The following AGRN variants were observed in gnomAD, a reference collection of about 807,000 sequenced individuals.
AGRN encodes agrin proteoglycan.
AGRN carries 106 observed loss-of-function variants against 211.0 expected under a neutral mutation model. The ratio of observed to expected loss-of-function variants is 0.50; its 90% confidence interval spans 0.43 to 0.59. AGRN has a LOEUF of 0.59. Among genes scored for constraint, AGRN ranks in the 20% least tolerant of loss-of-function variants. The pLI is 0.00. For synonymous variants in AGRN, 1,525 were observed against 1,332.5 expected (o/e 1.14, Z -3.15); for missense variants, 3,040 against 2,982.6 (o/e 1.02, Z -0.45).
chr1:1,047,392 C>T lies in AGRN; in HGVS notation c.3454C>T (p.Pro1152Ser), dbSNP rs760592311. The change falls in exon 20 of 36, where the codon CCC becomes TCC. Residue 1152 changes from proline (P) to serine (S), a missense_variant. This residue lies in a region of AGRN where 1,537 missense variants were observed against 1,505.0 expected (regional missense o/e 1.02). Transcript: ENST00000379370. ...CGAGGGCCAGGAGCTGTTCTACACG[C>T]CCGAGATGGCTGACCCCAAGTCAGA... The part of the protein sequence containing the change: ...GVEGQELFYT[P>S]EMADPKSELF... 1 of 1,612,392 alleles carries T rather than the reference C, an allele frequency of 6.2e-7. No individual in the cohort carries two copies. The highest frequency in any genetic ancestry group is 8.5e-7 in the Non-Finnish European group (1 of 1,179,670).
In AGRN at chr1:1,050,307, C is replaced by T. The variant is rs1018857982; in HGVS notation, c.4954C>T (p.His1652Tyr). 6.2e-7 allele frequency: 1 copy of T among 1,612,984 alleles called. No individual in the cohort carries two copies. Among genetic ancestry groups the T allele is most frequent in the South Asian group, 1.1e-5 (1 of 91,084 alleles). ...CTCCCACCTGGAGCTGAGAGGCCTG[C>T]ACACCTTTGCACGGGACCTGGGGTC... ...GFSHLELRGL[H>Y]TFARDLGEKM... is the part of the protein sequence containing the mutation. The change falls in exon 28 of 36, where the codon CAC becomes TAC. Residue 1652 changes from histidine (H) to tyrosine (Y), a missense_variant. His to Tyr is a moderately conservative substitution (Grantham distance 83). Transcript: ENST00000379370.
In AGRN at chr1:1,040,819, G is replaced by GC. The variant is rs1644909838; in HGVS notation, c.667dup (p.Leu223ProfsTer96). 6 of 1,537,450 alleles carry GC rather than the reference G, an allele frequency of 3.9e-6. No individual in the cohort carries two copies. The highest frequency in any genetic ancestry group is 5.2e-6 in the Non-Finnish European group (6 of 1,147,622). ...CCTCCACCTACAGCAACGAATGCGA[G>GC]CTGCAGCGGGCGCAGTGCAGCCAGC... is the stretch of plus-strand genomic sequence containing the variant. On this transcript the variant is annotated frameshift_variant, in exon 4 of 36. Transcript: ENST00000379370. LOFTEE classifies it high-confidence loss of function.
At chr1:1,033,923 C>T (rs536515729) in intron 2 of AGRN, among the ~76,000 whole-genome samples, 1 of 151,764 alleles carries the variant, frequency 6.6e-6, no homozygotes, top group African/African-American at 2.4e-5. Flanking sequence ...TCCCCGCGGA[C>T]GCCGGGGTCC....
chr1:1,044,484 T>G (rs982646479), intron 12 of AGRN, 45 bp downstream of exon 12: 5 of 1,557,660 alleles, frequency 3.2e-6, no homozygotes. Context: ...CGGGGCGGCG[T>G]CTGGGTTTCC....
rs397834473 is a variant in AGRN at position 1,050,070 on chromosome 1, G to A, written c.4879+33G>A. 0.41 allele frequency: 532,710 copies of A among 1,285,920 alleles called. 108,806 individuals carry two copies. The highest frequency in any genetic ancestry group is 0.68 in the African/African-American group (43,184 of 63,504). 79.7% of individuals were successfully genotyped at this position (1,285,920 alleles called of 1,614,324 possible). On this transcript the variant is annotated intron_variant, in intron 27 of 35. Transcript: ENST00000379370. ...GCGTGGGGCTCTCGGGGCAGGGGGG[G>A]GGGGGGGGTTGAACGTTTGGGCGGG...
chr1:1,042,941 C>T (rs943672671), intron 7 of AGRN, among the ~76,000 whole-genome samples: 2 of 151,890 alleles, frequency 1.3e-5, no homozygotes, highest in African/African-American at 4.8e-5. Context: ...GGTCAGTGGC[C>T]TGGGCAGGCT....
intron 13 of AGRN, 35 bp downstream of exon 13, chr1:1,045,312 G>A: frequency 1.2e-6 from 2 of 1,612,160 alleles, no homozygotes; most frequent in Non-Finnish European, 1.7e-6. Context: ...CCCCGGGCCT[G>A]GTGCGGCTGT....
rs1163495012 is a variant in AGRN, at chr1:1,031,965, C to T, written c.464-3312C>T. Among the ~76,000 whole-genome samples, 2 of 152,254 alleles carry T rather than the reference C, an allele frequency of 1.3e-5. No homozygotes were observed. Among genetic ancestry groups the T allele is most frequent in the Non-Finnish European group, 2.9e-5 (2 of 68,042 alleles). The stretch of plus-strand genomic sequence containing the variant: ...CACAGCAAGTCCTGTTCTGGGTTTT[C>T]TCATCCCTGGGTCACACCCTGCGCT... On this transcript the variant is annotated intron_variant, in intron 2 of 35. Transcript: ENST00000379370. The surrounding 1 kb of genome is among the most constrained non-coding windows in gnomAD (Gnocchi z 4.8).
intron 7 of AGRN, among the ~76,000 whole-genome samples, chr1:1,042,745 C>T (rs1412625646): frequency 1.3e-5 from 2 of 151,982 alleles, no homozygotes; most frequent in African/African-American, 4.8e-5. Flanking sequence ...GCCCGCAGCC[C>T]GAGGTCTGCC....
chr1:1,044,942 T>G (rs1380304204), intron 12 of AGRN, among the ~76,000 whole-genome samples: 1 of 152,172 alleles, frequency 6.6e-6, no homozygotes, highest in Non-Finnish European at 1.5e-5. Flanking sequence ...TTGGATGCTC[T>G]GTGTGTTGTG....
At chr1:1,041,430 CTG>C (rs1644933720) in intron 5 of AGRN, 33 bp downstream of exon 5, 2 of 1,550,674 alleles carry the variant, frequency 1.3e-6, no homozygotes, top group South Asian at 2.3e-5. Context: ...GGCTCGAGCT[CTG>C]TGGGCGCGCG....
intron 2 of AGRN, among the ~76,000 whole-genome samples, chr1:1,029,824 C>T (rs1424641344): frequency 1.6e-5 from 1 of 63,490 alleles, no homozygotes; most frequent in Non-Finnish European, 3.1e-5. Flanking sequence ...GTGAGATCAG[C>T]GTGTGTGTGT....
intron 34 of AGRN, 80 bp from the exon 35 acceptor site, chr1:1,054,367 AG>A (rs1645395140): frequency 2.3e-6 from 3 of 1,284,490 alleles, no homozygotes; most frequent in Non-Finnish European, 3.3e-6. Context: ...TGCAGGGCAT[AG>A]GAAGGATGCA....
At position 1,050,798 on chromosome 1, in the gene AGRN, G is replaced by A; in HGVS notation, c.5214G>A (p.Leu1738=). The change falls in exon 30 of 36, where the codon CTG becomes CTA. Residue 1738 remains leucine (L), a synonymous_variant. Transcript: ENST00000379370. ...AGCGAAACGGCCGCAAGGGTGCCCT[G>A]CGTGTGGGCGACGGCCCCCGTGTGT... The part of the protein sequence containing the change: ...SLERNGRKGA[L]RVGDGPRVLG... 1 of 1,597,912 alleles carries A rather than the reference G, an allele frequency of 6.3e-7. No homozygotes were observed. Among genetic ancestry groups the A allele is most frequent in the Admixed American group, 1.7e-5 (1 of 58,684 alleles).
In AGRN at chr1:1,056,006, C is replaced by G. The variant is rs930714507; in HGVS notation, c.*1025C>G. 6.6e-6 allele frequency: 1 copy of G among 152,326 alleles called. No individual in the cohort carries two copies. The highest frequency in any genetic ancestry group is 1.5e-5 in the Non-Finnish European group (1 of 68,098). The allele number at this position is 152,326 out of a possible 1,614,324, so 9.4% of individuals were successfully genotyped here. On this transcript the variant is annotated 3_prime_UTR_variant, in exon 36 of 36. Coordinates refer to ENST00000379370, the MANE Select transcript of AGRN (RefSeq NM_198576.4). ...CCACCCCCAGCCCCAGCCCAGTCCTCCTAGGAGCAGGACCCGATGAAGCGG... is the reference window on the plus strand; with the variant it reads ...CCACCCCCAGCCCCAGCCCAGTCCTGCTAGGAGCAGGACCCGATGAAGCGG...
chr1:1,043,808 C>T lies in AGRN; in HGVS notation c.1799-15C>T, dbSNP rs142557635. On this transcript the variant is annotated splice_polypyrimidine_tract_variant and intron_variant, in intron 9 of 35. Coordinates refer to ENST00000379370, the MANE Select transcript of AGRN (RefSeq NM_198576.4). ...CCTGGGCCTGCCGACCCCTGCCTGG[C>T]TCTGTCTCCTGCAGAGACCTGTGGA... is the stretch of plus-strand genomic sequence containing the variant. 4.3e-6 allele frequency: 7 copies of T among 1,609,936 alleles called. No homozygotes were observed. Among genetic ancestry groups the T allele is most frequent in the Non-Finnish European group, 5.9e-6 (7 of 1,179,844 alleles).
intron 2 of AGRN, 126 bp downstream of exon 2, chr1:1,022,588 T>TGTAGTCAGACCACAGGTCAGACTACAA: frequency 1.7e-6 from 1 of 588,508 alleles, no homozygotes; most frequent in Non-Finnish European, 2.6e-6. Context: ...CACGGTGTCT[T>TGTAGTCAGACCACAGGTCAGACTACAA]GTGGTCCAAC....
In AGRN at chr1:1,049,077, G is replaced by A. The variant is rs531723104; in HGVS notation, c.4298+18G>A. 4.7e-5 allele frequency: 69 copies of A among 1,475,170 alleles called. No individual in the cohort carries two copies. Among genetic ancestry groups the A allele is most frequent in the South Asian group, 6.4e-5 (5 of 78,328 alleles). 91.4% of individuals were successfully genotyped at this position (1,475,170 alleles called of 1,614,324 possible). On this transcript the variant is annotated intron_variant, in intron 24 of 35. Transcript: ENST00000379370. ...CAGCTCAGGTGGGCGGGGAGGGGAC[G>A]GGGCCGGGGCAGCTCAGGTGGGCGG...
rs1557709208 is a variant in AGRN, at chr1:1,045,841, ACGGCCGTGCCCTGGGCCCCG to A, written c.2649_2668del (p.Arg884LeufsTer2). ...GGACCCAAGTGTGGGCAGTGTCCAG[ACGGCCGTGCCCTGGGCCCCG>A]CGGGCTGTGAAGCTGGTGAGTGAGG... is the stretch of plus-strand genomic sequence containing the variant. On this transcript the variant is annotated frameshift_variant, in exon 15 of 36. Coordinates refer to ENST00000379370, the MANE Select transcript of AGRN (RefSeq NM_198576.4). LOFTEE classifies it high-confidence loss of function. 1 of 1,612,016 alleles carries A rather than the reference ACGGCCGTGCCCTGGGCCCCG, an allele frequency of 6.2e-7. No individual in the cohort carries two copies. The highest frequency in any genetic ancestry group is 8.5e-7 in the Non-Finnish European group (1 of 1,179,862).
Sources: allele counts gnomAD v4.1 joint callset (sites outside exome capture counted in the v4.1 genomes callset), GRCh38; gene constraint gnomAD v4.1.1; regional missense constraint gnomAD v4.1.1; non-coding constraint Gnocchi (gnomAD v3.1); transcripts MANE v1.5; gene names NCBI Gene and HGNC (gene_info 2026-07-23, HGNC 2026-07-21).